The following NCOA1 variants were observed in gnomAD, a reference collection of about 807,000 sequenced individuals.
NCOA1 encodes the protein nuclear receptor coactivator 1.
In NCOA1, 35 loss-of-function variants were observed where a neutral mutation model predicts 150.9. That is an observed-to-expected ratio of 0.23 (90% confidence interval 0.18 to 0.31). NCOA1 has a LOEUF of 0.31. Among genes scored for constraint, NCOA1 ranks in the 10% least tolerant of loss-of-function variants. NCOA1 has a pLI of 1.00. For synonymous variants in NCOA1, 590 were observed against 630.0 expected (o/e 0.94, Z 0.95); for missense variants, 1,491 against 1,749.3 (o/e 0.85, Z 2.63).
At chr2:24,589,435 C>T (rs992906978) in intron 3 of NCOA1, among the ~76,000 whole-genome samples, 3 of 152,190 alleles carry the variant, frequency 2.0e-5, no homozygotes, top group Admixed American at 6.5e-5. Flanking sequence ...CTTTCCCGTA[C>T]TACTTTAGAG....
At chr2:24,565,114 C>T (rs1218256737) in intron 2 of NCOA1, among the ~76,000 whole-genome samples, 2 of 152,176 alleles carry the variant, frequency 1.3e-5, no homozygotes, top group East Asian at 3.8e-4. Context: ...AGATATTTAA[C>T]TAAAGAATCA....
intron 14 of NCOA1, among the ~76,000 whole-genome samples, chr2:24,715,860 C>T (rs974651526): frequency 2.0e-5 from 3 of 151,992 alleles, no homozygotes; most frequent in Non-Finnish European, 4.4e-5. Flanking sequence ...TCCCAGCAGG[C>T]GGCCGGGCGC....
intron 2 of NCOA1, among the ~76,000 whole-genome samples, chr2:24,574,981 T>C (rs1666894002): frequency 6.6e-6 from 1 of 152,194 alleles, no homozygotes; most frequent in Non-Finnish European, 1.5e-5. Flanking sequence ...TCTTTGTTTA[T>C]CCTGCTTGGA....
intron 3 of NCOA1, among the ~76,000 whole-genome samples, chr2:24,610,597 T>C (rs1229959626): frequency 6.6e-6 from 1 of 152,020 alleles, no homozygotes; most frequent in East Asian, 1.9e-4. Context: ...TTTTATATTC[T>C]CTCGAGCTTT....
chr2:24,725,731 G>A (rs1572646308), intron 14 of NCOA1, among the ~76,000 whole-genome samples: 1 of 128,388 alleles, frequency 7.8e-6, no homozygotes, highest in Non-Finnish European at 1.7e-5. Context: ...GTGTGTGTGT[G>A]TGTGTGTGTG....
chr2:24,612,361 ATTTC>A (rs1668667444), intron 3 of NCOA1, among the ~76,000 whole-genome samples: 1 of 152,034 alleles, frequency 6.6e-6, no homozygotes, highest in Non-Finnish European at 1.5e-5. Context: ...TTGTGATTAT[ATTTC>A]TTATTGATGT....
intron 3 of NCOA1, among the ~76,000 whole-genome samples, chr2:24,618,392 A>G (rs1668967904): frequency 2.6e-5 from 4 of 152,196 alleles, no homozygotes; most frequent in Admixed American, 2.0e-4. Flanking sequence ...TTAAGTGGCT[A>G]TATATTAAAT....
intron 17 of NCOA1, among the ~76,000 whole-genome samples, chr2:24,734,406 T>C (rs942516721): frequency 9.2e-5 from 14 of 152,176 alleles, no homozygotes; most frequent in Non-Finnish European, 1.6e-4. Context: ...AAATAGATGC[T>C]AAATTTGTTT....
chr2:24,576,163 G>GTT lies in NCOA1; in HGVS notation c.-259-8308_-259-8307dup, dbSNP rs1491073238. On this transcript the variant is annotated intron_variant, in intron 2 of 22. Coordinates refer to ENST00000348332, the MANE Select transcript of NCOA1 (RefSeq NM_003743.5). ...ATTTGGCCTTTGTTTTTTTTTTTTT[G>GTT]TTTTTTGTTTTTTTTTTTTTTTTTT... 9.5e-4 allele frequency among the ~76,000 whole-genome samples: 88 copies of GTT among 92,660 alleles called. 2 individuals are homozygous for GTT. The highest frequency in any genetic ancestry group is 2.5e-3 in the African/African-American group (54 of 21,638). The allele number at this position is 92,660 out of a possible 152,430, so 60.8% of individuals were successfully genotyped here.
At chr2:24,765,435 C>G (rs1486376040) in intron 22 of NCOA1, among the ~76,000 whole-genome samples, 7 of 150,510 alleles carry the variant, frequency 4.7e-5, no homozygotes, top group Non-Finnish European at 8.9e-5. Flanking sequence ...GGAGGCGGAG[C>G]TGGCAGTGAG....
chr2:24,756,021 G>A (rs1249452512), intron 20 of NCOA1, among the ~76,000 whole-genome samples: 2 of 146,796 alleles, frequency 1.4e-5, no homozygotes, highest in African/African-American at 5.0e-5. Flanking sequence ...ATCATCTGAG[G>A]TCAGGAGGTT....
chr2:24,676,044 A>G (rs1041424154), intron 7 of NCOA1, among the ~76,000 whole-genome samples: 10 of 152,122 alleles, frequency 6.6e-5, no homozygotes, highest in African/African-American at 2.4e-4. Flanking sequence ...CAATTTTCCT[A>G]GAGTGGCCTC....
At chr2:24,713,581 T>C (rs1673867379) in intron 14 of NCOA1, among the ~76,000 whole-genome samples, 1 of 152,198 alleles carries the variant, frequency 6.6e-6, no homozygotes, top group South Asian at 2.1e-4. Flanking sequence ...ACAGCAATAA[T>C]TGGCACTGGT....
chr2:24,567,802 G>A (rs1666575039), intron 2 of NCOA1, among the ~76,000 whole-genome samples: 1 of 152,152 alleles, frequency 6.6e-6, no homozygotes, highest in African/African-American at 2.4e-5. Context: ...AGGCTAGAGT[G>A]TGTGGTGGCA....
intron 3 of NCOA1, among the ~76,000 whole-genome samples, chr2:24,596,620 C>G (rs1034337661): frequency 6.6e-6 from 1 of 151,982 alleles, no homozygotes; most frequent in Non-Finnish European, 1.5e-5. Context: ...CATTGTAAAC[C>G]TAGATCCTGA....
Position 24,706,635 on chromosome 2 carries a change from T to C in NCOA1, c.1165T>C (p.Ser389Pro), listed in dbSNP as rs756679919. 5.6e-6 allele frequency: 9 copies of C among 1,614,220 alleles called. No individual in the cohort carries two copies. In the East Asian group the frequency reaches 1.8e-4, roughly 32 times the overall value. Residue 389 changes from serine to proline, a missense_variant, in exon 13 of 23, where the codon TCG (serine) becomes CCG (proline). Ser to Pro is a moderately conservative substitution (Grantham distance 74). This residue lies in a region of NCOA1 where 703 missense variants were observed against 717.7 expected (regional missense o/e 0.98). Transcript: ENST00000348332. ...AATGTCAATTCCCCGAGTAAATCCC[T>C]CGGTCAATCCTAGTATCTCTCCAGC... is the stretch of plus-strand genomic sequence containing the variant. ...SGMSIPRVNP[S>P]VNPSISPAHG...
intron 7 of NCOA1, among the ~76,000 whole-genome samples, chr2:24,674,283 G>A (rs1671809045): frequency 6.6e-6 from 1 of 150,748 alleles, no homozygotes; most frequent in Non-Finnish European, 1.5e-5. Flanking sequence ...TCGGTTCACT[G>A]CAAGCTCCGC....
chr2:24,542,287 T>G (rs1437174985), intron 1 of NCOA1, among the ~76,000 whole-genome samples: 1 of 152,056 alleles, frequency 6.6e-6, no homozygotes, highest in Non-Finnish European at 1.5e-5. Flanking sequence ...AATGTGCTAG[T>G]CACATTTCTG....
At position 24,601,109 on chromosome 2, in the gene NCOA1, G is replaced by GT. The variant is rs147890856; in HGVS notation, c.-175+16559dup. Among the ~76,000 whole-genome samples the GT allele has an allele frequency of 6.6e-3, 984 of 147,996 alleles. 7 individuals carry two copies. The highest frequency in any genetic ancestry group is 0.023 in the African/African-American group (927 of 40,406). On this transcript the variant is annotated intron_variant, in intron 3 of 22. Transcript: ENST00000348332. Reference sequence around the variant, plus strand: ...CTTTACACAGTTCTATAGTTTTAGTGTTTTTTTTTTAAATGCTGTTCATTT... The same window carrying GT: ...CTTTACACAGTTCTATAGTTTTAGTGTTTTTTTTTTTAAATGCTGTTCATTT...
Sources: allele counts gnomAD v4.1 joint callset (sites outside exome capture counted in the v4.1 genomes callset), GRCh38; gene constraint gnomAD v4.1.1; regional missense constraint gnomAD v4.1.1; transcripts MANE v1.5; gene names NCBI Gene and HGNC (gene_info 2026-07-23, HGNC 2026-07-21).